ACMSD: variants seen among roughly 807,000 people sequenced by gnomAD.
ACMSD encodes aminocarboxymuconate semialdehyde decarboxylase, also known as 2-amino-3-carboxymuconate-6-semialdehyde decarboxylase.
Under a neutral mutation model 45.9 loss-of-function variants are expected in ACMSD, and 37 were observed. The observed-to-expected ratio is 0.81, with a 90% CI of 0.62 to 1.06. The LOEUF is 1.06. Among genes scored for constraint, ACMSD ranks in the 50% least tolerant of loss-of-function variants. ACMSD has a pLI of 0.00. For synonymous variants in ACMSD, 138 were observed against 148.8 expected, an observed-to-expected ratio of 0.93 and a Z score of 0.53; for missense variants, 434 against 420.9, an observed-to-expected ratio of 1.03 and a Z score of -0.27.
intron 2 of ACMSD, among the ~76,000 whole-genome samples, chr2:134,850,559 G>C (rs185431591): frequency 2.7e-4 from 41 of 152,182 alleles, no homozygotes; most frequent in Non-Finnish European, 4.7e-4. Context: ...TGAGCCAACA[G>C]GCTTGGCCAA....
chr2:134,889,662 G>A (rs1341349163), intron 8 of ACMSD, among the ~76,000 whole-genome samples: 9 of 152,182 alleles, frequency 5.9e-5, no homozygotes, highest in African/African-American at 1.9e-4. Flanking sequence ...GCAGGAAGAT[G>A]TGCATAGGTT....
intron 8 of ACMSD, among the ~76,000 whole-genome samples, chr2:134,885,237 T>TG (rs1689262355): frequency 1.7e-5 from 2 of 119,842 alleles, no homozygotes; most frequent in Non-Finnish European, 3.2e-5. Context: ...AATACATATG[T>TG]AAATATATAT....
chr2:134,900,740 G>A (rs984679465), intron 9 of ACMSD, among the ~76,000 whole-genome samples: 3 of 152,130 alleles, frequency 2.0e-5, no homozygotes, highest in African/African-American at 7.2e-5. Flanking sequence ...GCTGTATATA[G>A]GCAGATGCAT....
At chr2:134,857,586 T>C (rs1573636725) in intron 2 of ACMSD, among the ~76,000 whole-genome samples, 1 of 152,224 alleles carries the variant, frequency 6.6e-6, no homozygotes, top group Non-Finnish European at 1.5e-5. Flanking sequence ...TGGTGGAATA[T>C]TTAGGGTTTT....
intron 7 of ACMSD, among the ~76,000 whole-genome samples, chr2:134,871,283 C>T (rs1688423144): frequency 6.6e-6 from 1 of 152,166 alleles, no homozygotes; most frequent in African/African-American, 2.4e-5. Context: ...CTTACAAGGA[C>T]ATCAGTACAC....
intron 7 of ACMSD, among the ~76,000 whole-genome samples, 194 bp from the exon 8 acceptor site, chr2:134,872,275 T>C (rs1573670332): frequency 6.6e-6 from 1 of 152,174 alleles, no homozygotes; most frequent in South Asian, 2.1e-4. Context: ...CTCTTTAAGA[T>C]GAATTTCTCA....
chr2:134,895,996 G>A (rs1348258080), intron 8 of ACMSD, among the ~76,000 whole-genome samples: 2 of 152,118 alleles, frequency 1.3e-5, no homozygotes, highest in African/African-American at 4.8e-5. Flanking sequence ...CCTAAAGACA[G>A]ACATAAAGAT....
chr2:134,878,641 G>C (rs1247404510), intron 8 of ACMSD, among the ~76,000 whole-genome samples: 2 of 152,168 alleles, frequency 1.3e-5, no homozygotes. Context: ...CAACATAGCT[G>C]TTGCTTCTAC....
intron 8 of ACMSD, among the ~76,000 whole-genome samples, chr2:134,884,493 T>C (rs1689214863): frequency 6.6e-6 from 1 of 152,154 alleles, no homozygotes; most frequent in Non-Finnish European, 1.5e-5. Context: ...AGTTGACAAA[T>C]GTAGTGAAAG....
At chr2:134,891,775 C>CACTT (rs1559069090) in intron 8 of ACMSD, among the ~76,000 whole-genome samples, 1 of 152,094 alleles carries the variant, frequency 6.6e-6, no homozygotes, top group African/African-American at 2.4e-5. Flanking sequence ...AAGATACCTA[C>CACTT]ACTTGTATGT....
intron 8 of ACMSD, among the ~76,000 whole-genome samples, chr2:134,894,478 T>C (rs1177785084): frequency 6.6e-6 from 1 of 152,152 alleles, no homozygotes; most frequent in African/African-American, 2.4e-5. Flanking sequence ...ATTTTCAATC[T>C]TCCCACAAAG....
intron 7 of ACMSD, among the ~76,000 whole-genome samples, chr2:134,872,217 A>G (rs891516587): frequency 6.6e-6 from 1 of 152,144 alleles, no homozygotes; most frequent in African/African-American, 2.4e-5. Flanking sequence ...TTGGCCTCCC[A>G]AAGTGCTAGG....
chr2:134,856,897 A>G (rs1270124380), intron 2 of ACMSD, among the ~76,000 whole-genome samples: 1 of 122,404 alleles, frequency 8.2e-6, no homozygotes, highest in Non-Finnish European at 1.7e-5. Context: ...GTTTACATGA[A>G]ATGTATGGTT....
intron 1 of ACMSD, 93 bp from the exon 2 acceptor site, chr2:134,845,140 A>C: frequency 1.5e-6 from 2 of 1,291,752 alleles, no homozygotes; most frequent in Non-Finnish European, 2.3e-6. Context: ...AATGCTTGAA[A>C]GGTGGAGCTC....
intron 8 of ACMSD, among the ~76,000 whole-genome samples, chr2:134,884,797 A>G (rs1044541434): frequency 1.3e-5 from 2 of 152,208 alleles, no homozygotes; most frequent in Non-Finnish European, 2.9e-5. Context: ...ATTATTTCAT[A>G]TAAATGTATT....
chr2:134,854,756 G>A (rs1324786700), intron 2 of ACMSD, among the ~76,000 whole-genome samples: 2 of 152,204 alleles, frequency 1.3e-5, no homozygotes, highest in African/African-American at 4.8e-5. Flanking sequence ...TTCACACATA[G>A]GATGTGTTCC....
chr2:134,875,400 T>C (rs1031234094), intron 8 of ACMSD, among the ~76,000 whole-genome samples: 3 of 152,188 alleles, frequency 2.0e-5, no homozygotes, highest in Non-Finnish European at 4.4e-5. Context: ...TTAAATAACA[T>C]CTTAAGAATA....
At position 134,872,490 on chromosome 2, in the gene ACMSD, T is replaced by C; in HGVS notation, c.698T>C (p.Val233Ala). ...GCAGGTGGTGCCTTCCCCTTCACAG[T>C]GGGAAGAATCTCCCATGGATTCAGC... ...AHGGGAFPFT[V>A]GRISHGFSMR... Residue 233 changes from valine (V) to alanine (A), a missense_variant, in exon 8 of 10, where the codon GTG (valine) becomes GCG (alanine). Transcript: ENST00000356140. The C allele has an allele frequency of 6.2e-7, 1 of 1,614,140 alleles. No individual in the cohort carries two copies. Among genetic ancestry groups the C allele is most frequent in the South Asian group, 1.1e-5 (1 of 91,088 alleles).
chr2:134,841,155 G>A (rs1686787977), intron 1 of ACMSD, among the ~76,000 whole-genome samples: 2 of 152,222 alleles, frequency 1.3e-5, no homozygotes, highest in Non-Finnish European at 2.9e-5. Context: ...GGGAGAGACA[G>A]AGGGAGAAAT....
Sources: allele counts gnomAD v4.1 joint callset (sites outside exome capture counted in the v4.1 genomes callset), GRCh38; gene constraint gnomAD v4.1.1; transcripts MANE v1.5; gene names NCBI Gene and HGNC (gene_info 2026-07-23, HGNC 2026-07-21).